NKX6-2: variants seen among roughly 807,000 people sequenced by gnomAD.
NKX6-2 encodes homeobox protein Nkx-6.2.
A neutral mutation model predicts 19.9 loss-of-function variants in NKX6-2; 22 were observed. That is an observed-to-expected ratio of 1.10 (90% CI 0.79 to 1.58). The LOEUF (loss-of-function observed/expected upper bound fraction) is 1.58. Ranked by LOEUF, NKX6-2 falls within the 40% of genes most tolerant of loss-of-function variation. The pLI, the probability that NKX6-2 is intolerant of heterozygous loss-of-function variation, is 0.00. For synonymous variants in NKX6-2, 257 were observed against 204.0 expected, an observed-to-expected ratio of 1.26 and a Z score of -2.21; for missense variants, 475 against 410.6, an observed-to-expected ratio of 1.16 and a Z score of -1.35.
In NKX6-2 at chr10:132,783,853, A is replaced by ACG; in HGVS notation, c.*1061_*1062dup. On this transcript the variant is annotated 3_prime_UTR_variant, in exon 3 of 3. Coordinates refer to ENST00000368592, the MANE Select transcript of NKX6-2 (RefSeq NM_177400.3). Reference sequence around the variant, plus strand: ...AAGGCTGCTAAGAGCCTAAAACAAAACGCGCCGAGTTTAAGCCCTTTCTAT... The same window carrying ACG: ...AAGGCTGCTAAGAGCCTAAAACAAAACGCGCGCCGAGTTTAAGCCCTTTCTAT... The ACG allele has an allele frequency of 6.6e-6, 1 of 152,336 alleles. No homozygotes were observed. The highest frequency in any genetic ancestry group is 1.9e-4 in the East Asian group (1 of 5,188). 9.4% of individuals were successfully genotyped at this position (152,336 alleles called of 1,614,324 possible). A position where few individuals can be genotyped will look rare whatever the true frequency, so the allele number is the denominator to read the frequency against.
Position 132,785,579 on chromosome 10 carries a change from C to T in NKX6-2, c.370G>A (p.Gly124Ser), listed in dbSNP as rs1847253976. 7.7e-7 allele frequency: 1 copy of T among 1,291,332 alleles called. No homozygotes were observed. Among genetic ancestry groups the T allele is most frequent in the Non-Finnish European group, 9.8e-7 (1 of 1,025,036 alleles). 80.0% of individuals were successfully genotyped at this position (1,291,332 alleles called of 1,614,324 possible). ...AGACGCGGGTCCCTCCAGGGCGCGC[C>T]CTGCACCACGCCGGGCCAGAAGATG... ...PPIFWPGVVQ[G>S]APWRDPRLAG... Residue 124 changes from glycine (G) to serine (S), a missense_variant, in exon 1 of 3, where the codon GGC (glycine) becomes AGC (serine). Physicochemically the swap from Gly to Ser is moderately conservative, Grantham distance 56 (BLOSUM62 0). Transcript: ENST00000368592. The surrounding 1 kb of genome is among the most constrained non-coding windows in gnomAD (Gnocchi z 5.5).
rs534301716 is a variant in NKX6-2 at position 132,785,203 on chromosome 10, G to A, written c.580-33C>T. The A allele has an allele frequency of 1.4e-5, 23 of 1,593,490 alleles. 1 individual carries two copies. In the South Asian group the frequency reaches 2.5e-4, roughly 17 times the overall value. ...TGGACGGGGCGGTCAGGCGGCCGCG[G>A]GGCCCGGGGCTGGCGCTGGGGCCGT... On this transcript the variant is annotated intron_variant, in intron 2 of 2. Transcript: ENST00000368592. The surrounding 1 kb of genome is among the most constrained non-coding windows in gnomAD (Gnocchi z 5.5).
Position 132,784,969 on chromosome 10 carries a change from A to G in NKX6-2, c.781T>C (p.Ser261Pro). ...ITRLLKKHKP[S>P]NLALVSPCGG... ...CACGGGCTGACCAGCGCCAAGTTCGAGGGTTTGTGCTTCTTGAGCAGCCGC... is the reference window on the plus strand; with the variant it reads ...CACGGGCTGACCAGCGCCAAGTTCGGGGGTTTGTGCTTCTTGAGCAGCCGC... The change falls in exon 3 of 3, where the codon TCG (serine) becomes CCG (proline). Residue 261 changes from serine (S) to proline (P), a missense_variant. By Grantham distance (74) the Ser-to-Pro change is moderately conservative. Coordinates refer to ENST00000368592, the MANE Select transcript of NKX6-2 (RefSeq NM_177400.3). 3 of 1,612,618 alleles carry G rather than the reference A, an allele frequency of 1.9e-6. No homozygotes were observed. The highest frequency in any genetic ancestry group is 2.5e-6 in the Non-Finnish European group (3 of 1,179,798).
Position 132,785,077 on chromosome 10 carries a change from G to A in NKX6-2, c.673C>T (p.Leu225=). Residue 225 remains leucine (L), a synonymous_variant, in exon 3 of 3, where the codon CTG becomes TTG. Coordinates refer to ENST00000368592, the MANE Select transcript of NKX6-2 (RefSeq NM_177400.3). The surrounding 1 kb of genome is among the most constrained non-coding windows in gnomAD (Gnocchi z 5.5). Reference sequence around the variant, plus strand: ...TCCGCGTCCGAGCCGCCCACCTTCAGCTTCTCGGCGTCCGAGTCCTGCTTC... The same window carrying A: ...TCCGCGTCCGAGCCGCCCACCTTCAACTTCTCGGCGTCCGAGTCCTGCTTC... The part of the protein sequence containing the change: ...KKKQDSDAEK[L]KVGGSDAEDD... 6.2e-7 allele frequency: 1 copy of A among 1,609,862 alleles called. No individual in the cohort carries two copies. Among genetic ancestry groups the A allele is most frequent in the Non-Finnish European group, 8.5e-7 (1 of 1,177,162 alleles).
rs760194097 is a variant in NKX6-2 at position 132,785,925 on chromosome 10, C to G, written c.24G>C (p.Ala8=). 1.5e-6 allele frequency: 2 copies of G among 1,307,410 alleles called. No homozygotes were observed. The highest frequency in any genetic ancestry group is 3.0e-5 in the East Asian group (1 of 33,248). 81.0% of individuals were successfully genotyped at this position (1,307,410 alleles called of 1,614,324 possible). A position where few individuals can be genotyped will look rare whatever the true frequency, so the allele number is the denominator to read the frequency against. MDTNRPG[A]FVLSSAPLAA... is the part of the protein sequence containing the mutation. ...CCAGCGGGGCACTGCTCAGCACGAACGCGCCCGGGCGGTTAGTGTCCATGG... is the reference window on the plus strand; with the variant it reads ...CCAGCGGGGCACTGCTCAGCACGAAGGCGCCCGGGCGGTTAGTGTCCATGG... Residue 8 remains alanine (A), a synonymous_variant, in exon 1 of 3, where the codon GCG becomes GCC. Coordinates refer to ENST00000368592, the MANE Select transcript of NKX6-2 (RefSeq NM_177400.3). This position sits in a 1 kb window ranked among gnomAD's most constrained non-coding sequence, Gnocchi z 5.5.
rs557090617 is a variant in NKX6-2 at position 132,784,675 on chromosome 10, G to A, written c.*241C>T. 47 of 499,046 alleles carry A rather than the reference G, an allele frequency of 9.4e-5. No homozygotes were observed. The highest frequency in any genetic ancestry group is 9.1e-4 in the African/African-American group (44 of 48,472). The allele number at this position is 499,046 out of a possible 1,614,324, so 30.9% of individuals were successfully genotyped here. A position where few individuals can be genotyped will look rare whatever the true frequency, so the allele number is the denominator to read the frequency against. On this transcript the variant is annotated 3_prime_UTR_variant, in exon 3 of 3. Coordinates refer to ENST00000368592, the MANE Select transcript of NKX6-2 (RefSeq NM_177400.3). ...CGCCGCCTCCTCGCGCCTGCCCGGGGCCCGCAGCCTCCGCACCGGGAACCC... is the reference window on the plus strand; with the variant it reads ...CGCCGCCTCCTCGCGCCTGCCCGGGACCCGCAGCCTCCGCACCGGGAACCC...
chr10:132,783,886 T>TA lies in NKX6-2; in HGVS notation c.*1029dup, dbSNP rs1213146700. On this transcript the variant is annotated 3_prime_UTR_variant, in exon 3 of 3. Coordinates refer to ENST00000368592, the MANE Select transcript of NKX6-2 (RefSeq NM_177400.3). ...AGTTTAAGCCCTTTCTATTTCCCTT[T>TA]AACGCTTCCGCAAATGCCAAGAGAA... 3.9e-5 allele frequency: 6 copies of TA among 152,258 alleles called. No homozygotes were observed. Among genetic ancestry groups the TA allele is most frequent in the Admixed American group, 6.5e-5 (1 of 15,288 alleles). The allele number at this position is 152,258 out of a possible 1,614,324, so 9.4% of individuals were successfully genotyped here.
At position 132,785,050 on chromosome 10, in the gene NKX6-2, C is replaced by T; in HGVS notation, c.700G>A (p.Asp234Asn). Residue 234 changes from aspartate (D) to asparagine (N), a missense_variant, in exon 3 of 3, where the codon GAC becomes AAC. Transcript: ENST00000368592. This position sits in a 1 kb window ranked among gnomAD's most constrained non-coding sequence, Gnocchi z 5.5. ...AGGGGCCGGTTGTATTCGTCGTCGTCCTCCGCGTCCGAGCCGCCCACCTTC... is the reference window on the plus strand; with the variant it reads ...AGGGGCCGGTTGTATTCGTCGTCGTTCTCCGCGTCCGAGCCGCCCACCTTC... ...KLKVGGSDAE[D>N]DDEYNRPLDP... 2 of 1,609,928 alleles carry T rather than the reference C, an allele frequency of 1.2e-6. No homozygotes were observed. The highest frequency in any genetic ancestry group is 1.7e-6 in the Non-Finnish European group (2 of 1,177,122).
rs531806183 is a variant in NKX6-2, at chr10:132,784,194, G to C, written c.*722C>G. 116 of 152,362 alleles carry C rather than the reference G, an allele frequency of 7.6e-4. No individual in the cohort carries two copies. The highest frequency in any genetic ancestry group is 2.7e-3 in the African/African-American group (114 of 41,584). The allele number at this position is 152,362 out of a possible 1,614,324, so 9.4% of individuals were successfully genotyped here. On this transcript the variant is annotated 3_prime_UTR_variant, in exon 3 of 3. Transcript: ENST00000368592. ...CGGGAGGCCCCGCCGCTCCGCGGGC[G>C]GAATTATTTCGGATTTCTCTTTGCG...
In NKX6-2 at chr10:132,785,735, C is replaced by T; in HGVS notation, c.214G>A (p.Gly72Ser). ...GGCAGCCCCCCCAGGAGGCCCCCGC[C>T]CGCCGCGCCCACGGGCCGGCCCAGG... is the stretch of plus-strand genomic sequence containing the variant. ...DILGRPVGAAGGGLLGGLPRL... is the reference protein window; with the variant it reads ...DILGRPVGAASGGLLGGLPRL... Residue 72 changes from glycine to serine, a missense_variant, in exon 1 of 3, where the codon GGC (glycine) becomes AGC (serine). Transcript: ENST00000368592. The surrounding 1 kb of genome is among the most constrained non-coding windows in gnomAD (Gnocchi z 5.5). 2 of 1,232,574 alleles carry T rather than the reference C, an allele frequency of 1.6e-6. No individual in the cohort carries two copies. The highest frequency in any genetic ancestry group is 2.0e-6 in the Non-Finnish European group (2 of 990,056). The allele number at this position is 1,232,574 out of a possible 1,614,324, so 76.4% of individuals were successfully genotyped here. A position where few individuals can be genotyped will look rare whatever the true frequency, so the allele number is the denominator to read the frequency against.
In NKX6-2 at chr10:132,785,560, G is replaced by C; in HGVS notation, c.389C>G (p.Pro130Arg). 3.7e-6 allele frequency: 5 copies of C among 1,355,074 alleles called. No homozygotes were observed. Among genetic ancestry groups the C allele is most frequent in the Non-Finnish European group, 4.7e-6 (5 of 1,060,330 alleles). The allele number at this position is 1,355,074 out of a possible 1,614,324, so 83.9% of individuals were successfully genotyped here. A position where few individuals can be genotyped will look rare whatever the true frequency, so the allele number is the denominator to read the frequency against. Residue 130 changes from proline (P) to arginine (R), a missense_variant, in exon 1 of 3, where the codon CCG (proline) becomes CGG (arginine). Coordinates refer to ENST00000368592, the MANE Select transcript of NKX6-2 (RefSeq NM_177400.3). This position sits in a 1 kb window ranked among gnomAD's most constrained non-coding sequence, Gnocchi z 5.5. ...CCACTCACCCGGGCCAGCCAGACGC[G>C]GGTCCCTCCAGGGCGCGCCCTGCAC... is the stretch of plus-strand genomic sequence containing the variant. ...GVVQGAPWRD[P>R]RLAGPAPAGG...
At position 132,785,558 on chromosome 10, in the gene NKX6-2, G is replaced by C; in HGVS notation, c.391C>G (p.Arg131Gly). 1.5e-6 allele frequency: 2 copies of C among 1,356,884 alleles called. No homozygotes were observed. Among genetic ancestry groups the C allele is most frequent in the Non-Finnish European group, 1.9e-6 (2 of 1,061,236 alleles). 84.1% of individuals were successfully genotyped at this position (1,356,884 alleles called of 1,614,324 possible). A position where few individuals can be genotyped will look rare whatever the true frequency, so the allele number is the denominator to read the frequency against. Reference sequence around the variant, plus strand: ...GGCCACTCACCCGGGCCAGCCAGACGCGGGTCCCTCCAGGGCGCGCCCTGC... The same window carrying C: ...GGCCACTCACCCGGGCCAGCCAGACCCGGGTCCCTCCAGGGCGCGCCCTGC... ...VVQGAPWRDPRLAGPAPAGGV... is the reference protein window; with the variant it reads ...VVQGAPWRDPGLAGPAPAGGV... The change falls in exon 1 of 3, where the codon CGT (arginine) becomes GGT (glycine). Residue 131 changes from arginine to glycine, a missense_variant. Coordinates refer to ENST00000368592, the MANE Select transcript of NKX6-2 (RefSeq NM_177400.3). The surrounding 1 kb of genome is among the most constrained non-coding windows in gnomAD (Gnocchi z 5.5).
chr10:132,785,062 A>G lies in NKX6-2; in HGVS notation c.688T>C (p.Ser230Pro), dbSNP rs757040969. The change falls in exon 3 of 3, where the codon TCG (serine) becomes CCG (proline). Residue 230 changes from serine to proline, a missense_variant. Coordinates refer to ENST00000368592, the MANE Select transcript of NKX6-2 (RefSeq NM_177400.3). This position sits in a 1 kb window ranked among gnomAD's most constrained non-coding sequence, Gnocchi z 5.5. The stretch of plus-strand genomic sequence containing the variant: ...TATTCGTCGTCGTCCTCCGCGTCCG[A>G]GCCGCCCACCTTCAGCTTCTCGGCG... ...SDAEKLKVGG[S>P]DAEDDDEYNR... 3 of 1,609,516 alleles carry G rather than the reference A, an allele frequency of 1.9e-6. No homozygotes were observed. Among genetic ancestry groups the G allele is most frequent in the South Asian group, 2.2e-5 (2 of 90,936 alleles).
In NKX6-2 at chr10:132,783,723, C is replaced by T. The variant is rs755978496; in HGVS notation, c.*1193G>A. On this transcript the variant is annotated 3_prime_UTR_variant, in exon 3 of 3. Coordinates refer to ENST00000368592, the MANE Select transcript of NKX6-2 (RefSeq NM_177400.3). ...ACATTTTAAAACGGGATTATATCAA[C>T]GCTTTGCCTTCCTCAAAACTTTAAG... 3.3e-5 allele frequency: 5 copies of T among 152,080 alleles called. No individual in the cohort carries two copies. The highest frequency in any genetic ancestry group is 4.8e-5 in the African/African-American group (2 of 41,432). 9.4% of individuals were successfully genotyped at this position (152,080 alleles called of 1,614,324 possible). A position where few individuals can be genotyped will look rare whatever the true frequency, so the allele number is the denominator to read the frequency against.
At position 132,785,854 on chromosome 10, in the gene NKX6-2, T is replaced by A; in HGVS notation, c.95A>T (p.Tyr32Phe). 7.3e-7 allele frequency: 1 copy of A among 1,377,910 alleles called. No homozygotes were observed. Among genetic ancestry groups the A allele is most frequent in the Non-Finnish European group, 9.5e-7 (1 of 1,047,704 alleles). 85.4% of individuals were successfully genotyped at this position (1,377,910 alleles called of 1,614,324 possible). The change falls in exon 1 of 3, where the codon TAC (tyrosine) becomes TTC (phenylalanine). Residue 32 changes from tyrosine (Y) to phenylalanine (F), a missense_variant. Physicochemically the swap from Tyr to Phe is conservative, Grantham distance 22. Coordinates refer to ENST00000368592, the MANE Select transcript of NKX6-2 (RefSeq NM_177400.3). The surrounding 1 kb of genome is among the most constrained non-coding windows in gnomAD (Gnocchi z 5.5). ...MAEMKTSLFP[Y>F]ALQGPAGFKA... The stretch of plus-strand genomic sequence containing the variant: ...GAAGCCGGCCGGACCCTGCAGCGCG[T>A]AGGGGAACAGCGACGTCTTCATCTC...
Position 132,785,584 on chromosome 10 carries a change from A to C in NKX6-2, c.365T>G (p.Val122Gly), listed in dbSNP as rs1565020377. Residue 122 changes from valine (V) to glycine (G), a missense_variant, in exon 1 of 3, where the codon GTG becomes GGG. Transcript: ENST00000368592. This position sits in a 1 kb window ranked among gnomAD's most constrained non-coding sequence, Gnocchi z 5.5. ...GRPPIFWPGV[V>G]QGAPWRDPRL... The stretch of plus-strand genomic sequence containing the variant: ...CGGGTCCCTCCAGGGCGCGCCCTGC[A>C]CCACGCCGGGCCAGAAGATGGGCGG... 7.8e-7 allele frequency: 1 copy of C among 1,277,318 alleles called. No individual in the cohort carries two copies. The highest frequency in any genetic ancestry group is 9.8e-7 in the Non-Finnish European group (1 of 1,017,444). 79.1% of individuals were successfully genotyped at this position (1,277,318 alleles called of 1,614,324 possible). A position where few individuals can be genotyped will look rare whatever the true frequency, so the allele number is the denominator to read the frequency against.
rs1024037435 is a variant in NKX6-2, at chr10:132,784,718, C to A, written c.*198G>T. 2 of 569,666 alleles carry A rather than the reference C, an allele frequency of 3.5e-6. No individual in the cohort carries two copies. The highest frequency in any genetic ancestry group is 6.1e-6 in the Non-Finnish European group (2 of 329,520). 35.3% of individuals were successfully genotyped at this position (569,666 alleles called of 1,614,324 possible). ...GGGAACCCGGAGGACCCGAGGCGGG[C>A]GCAGGGGCGAAGCCGGGGCCGGGGA... On this transcript the variant is annotated 3_prime_UTR_variant, in exon 3 of 3. Coordinates refer to ENST00000368592, the MANE Select transcript of NKX6-2 (RefSeq NM_177400.3).
Position 132,785,905 on chromosome 10 carries a change from G to T in NKX6-2, c.44C>A (p.Pro15Gln). ...GGCCATGTTGTGCAGCGCGGCCAGCGGGGCACTGCTCAGCACGAACGCGCC... is the reference window on the plus strand; with the variant it reads ...GGCCATGTTGTGCAGCGCGGCCAGCTGGGCACTGCTCAGCACGAACGCGCC... ...RPGAFVLSSA[P>Q]LAALHNMAEM... The change falls in exon 1 of 3, where the codon CCG (proline) becomes CAG (glutamine). Residue 15 changes from proline to glutamine, a missense_variant. By Grantham distance (76) the Pro-to-Gln change is moderately conservative. Coordinates refer to ENST00000368592, the MANE Select transcript of NKX6-2 (RefSeq NM_177400.3). The surrounding 1 kb of genome is among the most constrained non-coding windows in gnomAD (Gnocchi z 5.5). 3.6e-6 allele frequency: 5 copies of T among 1,376,492 alleles called. No individual in the cohort carries two copies. Among genetic ancestry groups the T allele is most frequent in the Admixed American group, 2.2e-5 (1 of 44,454 alleles). 85.3% of individuals were successfully genotyped at this position (1,376,492 alleles called of 1,614,324 possible). A position where few individuals can be genotyped will look rare whatever the true frequency, so the allele number is the denominator to read the frequency against.
In NKX6-2 at chr10:132,785,430, G is replaced by A; in HGVS notation, c.429C>T (p.Asp143=). ...GCGAGTGCTTCTTCTTCCCGTCCTT[G>A]TCCAGGACGCCGCCGGCCGGGGCTG... ...AGPAPAGGVL[D]KDGKKKHSRP... The change falls in exon 2 of 3, where the codon GAC becomes GAT. Residue 143 remains aspartate (D), a synonymous_variant. Transcript: ENST00000368592. This position sits in a 1 kb window ranked among gnomAD's most constrained non-coding sequence, Gnocchi z 5.5. 6.3e-7 allele frequency: 1 copy of A among 1,591,590 alleles called. No homozygotes were observed. Among genetic ancestry groups the A allele is most frequent in the Non-Finnish European group, 8.5e-7 (1 of 1,171,166 alleles).
Sources: allele counts gnomAD v4.1 joint callset, GRCh38; gene constraint gnomAD v4.1.1; non-coding constraint Gnocchi (gnomAD v3.1); transcripts MANE v1.5; gene names NCBI Gene and HGNC (gene_info 2026-07-23, HGNC 2026-07-21).